The following NALCN variants were observed in gnomAD, a reference collection of about 807,000 sequenced individuals.
NALCN encodes the protein sodium leak channel NALCN.
NALCN carries 111 observed loss-of-function variants against 225.3 expected under a neutral mutation model. The observed-to-expected ratio is 0.49, with a 90% CI of 0.42 to 0.58. The LOEUF (loss-of-function observed/expected upper bound fraction) is 0.58, where lower values mean the gene tolerates loss of function less well. Among genes scored for constraint, NALCN ranks in the 20% least tolerant of loss-of-function variants. The pLI, the probability that NALCN is intolerant of heterozygous loss-of-function variation, is 0.00. For missense variants in NALCN, 1,378 were observed against 2,202.4 expected (o/e 0.63, Z 7.49); for synonymous variants, 764 against 769.0 (o/e 0.99, Z 0.11).
rs763162236 is a variant in NALCN at position 101,106,058 on chromosome 13, T to C, written c.2580-1108A>G. On this transcript the variant is annotated intron_variant, in intron 22 of 43. Coordinates refer to ENST00000251127, the MANE Select transcript of NALCN (RefSeq NM_052867.4). ...GGAGGCTGGAAATCCAAGATCAAGA[T>C]GCCAGCTGAGTTGGTTCTTTCTGAG... Among the ~76,000 whole-genome samples, 8 of 152,184 alleles carry C rather than the reference T, an allele frequency of 5.3e-5. No individual in the cohort carries two copies. The South Asian group carries it at 8.3e-4, about 16-fold the overall frequency.
At chr13:101,305,782 G>A (rs1383283926) in intron 7 of NALCN, among the ~76,000 whole-genome samples, 1 of 152,076 alleles carries the variant, frequency 6.6e-6, no homozygotes, top group Non-Finnish European at 1.5e-5. Flanking sequence ...TATCCTTTTT[G>A]TCCCTTTGTA....
chr13:101,180,204 C>CTTTT (rs71200724), intron 14 of NALCN, among the ~76,000 whole-genome samples: 10 of 109,970 alleles, frequency 9.1e-5, no homozygotes, highest in Non-Finnish European at 1.5e-4. Flanking sequence ...TCCACCTGGT[C>CTTTT]TTTTTTTTTT....
chr13:101,361,392 AAAT>A (rs2046247591), intron 6 of NALCN, among the ~76,000 whole-genome samples: 1 of 152,236 alleles, frequency 6.6e-6, no homozygotes, highest in Non-Finnish European at 1.5e-5. Context: ...TTCAGTCTTA[AAAT>A]AAGCAATCGT....
intron 18 of NALCN, among the ~76,000 whole-genome samples, chr13:101,116,256 T>C (rs2035701952): frequency 6.6e-6 from 1 of 151,902 alleles, no homozygotes; most frequent in East Asian, 1.9e-4. Context: ...TGATCCTTTT[T>C]TTTCCCCCTG....
intron 39 of NALCN, among the ~76,000 whole-genome samples, chr13:101,065,845 A>G (rs2032338593): frequency 6.6e-6 from 1 of 152,090 alleles, no homozygotes; most frequent in African/African-American, 2.4e-5. Flanking sequence ...TCAGCCCCCC[A>G]GGACCCTACT....
chr13:101,162,065 C>T (rs1009292748), intron 15 of NALCN, among the ~76,000 whole-genome samples: 2 of 152,118 alleles, frequency 1.3e-5, no homozygotes, highest in Admixed American at 6.6e-5. Context: ...ACCACACCTC[C>T]GTGAAGTCCA....
At chr13:101,353,943 A>T (rs2045976642) in intron 6 of NALCN, among the ~76,000 whole-genome samples, 1 of 152,208 alleles carries the variant, frequency 6.6e-6, no homozygotes, top group Non-Finnish European at 1.5e-5. Flanking sequence ...TGACTCCCTC[A>T]ACTACTTTGC....
intron 13 of NALCN, among the ~76,000 whole-genome samples, chr13:101,219,924 T>C (rs1468091298): frequency 6.6e-6 from 1 of 152,188 alleles, no homozygotes; most frequent in Non-Finnish European, 1.5e-5. Context: ...TTAGTTATCA[T>C]GCCTGTTTGA....
chr13:101,081,575 C>G lies in NALCN; in HGVS notation c.3837G>C (p.Leu1279=), dbSNP rs751836712. The part of the protein sequence containing the change: ...WQSRRNRYDL[L]VTSLGVVWVV... ...CCCATACAACGCCAAGCGACGTCAC[C>G]AGGAGATCGTATCGGTTTCTTCTGC... Residue 1279 remains leucine, a synonymous_variant, in exon 34 of 44, where the codon CTG becomes CTC. Coordinates refer to ENST00000251127, the MANE Select transcript of NALCN (RefSeq NM_052867.4). 6.2e-7 allele frequency: 1 copy of G among 1,614,132 alleles called. No homozygotes were observed. Among genetic ancestry groups the G allele is most frequent in the South Asian group, 1.1e-5 (1 of 91,078 alleles).
chr13:101,304,913 G>A lies in NALCN; in HGVS notation c.800-12547C>T, dbSNP rs181137958. ...TGCGACTACAGGTCCCTGCCACCAC[G>A]CCCAGCTGATTTTTGTATTTTTAGT... On this transcript the variant is annotated intron_variant, in intron 7 of 43. Transcript: ENST00000251127. Among the ~76,000 whole-genome samples the A allele has an allele frequency of 4.0e-3, 608 of 151,530 alleles. 2 individuals carry two copies. Among genetic ancestry groups the A allele is most frequent in the African/African-American group, 0.014 (568 of 41,284 alleles).
At chr13:101,055,738 A>ATAAT (rs1417047814) in intron 43 of NALCN, among the ~76,000 whole-genome samples, 1 of 152,164 alleles carries the variant, frequency 6.6e-6, no homozygotes, top group Non-Finnish European at 1.5e-5. Flanking sequence ...TCATTTTGAA[A>ATAAT]TAATTAAAAA....
chr13:101,253,167 T>C (rs536632999), intron 11 of NALCN, among the ~76,000 whole-genome samples: 2 of 152,160 alleles, frequency 1.3e-5, no homozygotes, highest in Non-Finnish European at 2.9e-5. Context: ...ATGCATAGGC[T>C]ACAAAAGAGG....
At chr13:101,372,383 T>G (rs1179199789) in intron 6 of NALCN, among the ~76,000 whole-genome samples, 1 of 152,170 alleles carries the variant, frequency 6.6e-6, no homozygotes, top group African/African-American at 2.4e-5. Context: ...ACTCAAAAAC[T>G]GCAGATTTCA....
At chr13:101,187,331 G>T (rs558760183) in intron 14 of NALCN, among the ~76,000 whole-genome samples, 108 of 152,194 alleles carry the variant, frequency 7.1e-4, no homozygotes, top group Non-Finnish European at 5.4e-4. Context: ...ATGGTTTCAG[G>T]TATCTACTGG....
At chr13:101,076,949 C>T (rs899922341) in intron 34 of NALCN, among the ~76,000 whole-genome samples, 1 of 152,142 alleles carries the variant, frequency 6.6e-6, no homozygotes, top group Non-Finnish European at 1.5e-5. Context: ...ATTGTAGTTC[C>T]CATAATCCCC....
intron 15 of NALCN, among the ~76,000 whole-genome samples, chr13:101,169,643 A>G (rs928514753): frequency 6.6e-6 from 1 of 152,212 alleles, no homozygotes; most frequent in African/African-American, 2.4e-5. Flanking sequence ...TTCATTATAA[A>G]TGAAGGAGCT....
chr13:101,391,404 TG>T (rs2047140239), intron 3 of NALCN, among the ~76,000 whole-genome samples: 2 of 152,206 alleles, frequency 1.3e-5, no homozygotes, highest in African/African-American at 4.8e-5. Context: ...CAGTTTTGAC[TG>T]AACACTGTGA....
At chr13:101,092,121 A>AT (rs1353173154) in intron 28 of NALCN, among the ~76,000 whole-genome samples, 2 of 152,010 alleles carry the variant, frequency 1.3e-5, no homozygotes, top group East Asian at 1.9e-4. Context: ...AAAGGTTGTC[A>AT]TTTTTTCTGG....
intron 11 of NALCN, among the ~76,000 whole-genome samples, chr13:101,238,456 TA>T (rs2041643960): frequency 6.6e-6 from 1 of 151,930 alleles, no homozygotes; most frequent in South Asian, 2.1e-4. Flanking sequence ...AATAAATCAA[TA>T]TGTTACTTTA....
Sources: gnomAD v4.1 joint callset for allele counts (sites outside exome capture counted in the v4.1 genomes callset) on GRCh38, gnomAD v4.1.1 for gene constraint, MANE v1.5 for transcripts, NCBI Gene and HGNC (gene_info 2026-07-23, HGNC 2026-07-21) for gene names.